AP2A2: variants seen among roughly 807,000 people sequenced by gnomAD.
AP2A2 encodes the protein adaptor related protein complex 2 subunit alpha 2.
AP2A2 carries 32 observed loss-of-function variants against 104.2 expected under a neutral mutation model. That is an observed-to-expected ratio of 0.31 (90% CI 0.23 to 0.41). AP2A2 has a LOEUF of 0.41. Ranked by LOEUF, AP2A2 falls within the 10% of genes least tolerant of loss-of-function variation. AP2A2 has a pLI of 1.00. For synonymous variants in AP2A2, 539 were observed against 533.3 expected, an observed-to-expected ratio of 1.01 and a Z score of -0.15; for missense variants, 912 against 1,261.0, an observed-to-expected ratio of 0.72 and a Z score of 4.19.
rs1211532821 is a variant in AP2A2, at chr11:939,835, C to T, written c.67+13747C>T. On this transcript the variant is annotated intron_variant, in intron 1 of 21. Coordinates refer to ENST00000448903, the MANE Select transcript of AP2A2 (RefSeq NM_012305.4). ...TACTTGTATATGTGTAATATTTTAC[C>T]TGATTAATGTCTATTTCATGTCTGA... Among the ~76,000 whole-genome samples, 4 of 151,876 alleles carry T rather than the reference C, an allele frequency of 2.6e-5. No individual in the cohort carries two copies. In the East Asian group the frequency reaches 7.7e-4, roughly 29 times the overall value.
chr11:977,521 G>A (rs558462864), intron 5 of AP2A2, among the ~76,000 whole-genome samples: 1 of 147,138 alleles, frequency 6.8e-6, no homozygotes, highest in South Asian at 2.3e-4. Flanking sequence ...CGGAGCTCCT[G>A]CCTGGTGTCC....
chr11:982,442 A>G (rs1236046359), intron 6 of AP2A2, among the ~76,000 whole-genome samples: 5 of 152,136 alleles, frequency 3.3e-5, no homozygotes, highest in Admixed American at 6.6e-5. Flanking sequence ...TGTTTTGTGA[A>G]GTGCCTGAGT....
At chr11:934,758 G>A (rs2134460057) in intron 1 of AP2A2, among the ~76,000 whole-genome samples, 1 of 152,282 alleles carries the variant, frequency 6.6e-6, no homozygotes, top group South Asian at 2.1e-4. Context: ...GAGCTCCTTA[G>A]GGCAGGCGGC....
At chr11:985,850 C>A (rs1325086462) in intron 8 of AP2A2, among the ~76,000 whole-genome samples, 1 of 152,258 alleles carries the variant, frequency 6.6e-6, no homozygotes, top group African/African-American at 2.4e-5. Context: ...CCACTCCTGA[C>A]TGGCTTCTCA....
chr11:975,552 C>T (rs12791164), intron 4 of AP2A2, among the ~76,000 whole-genome samples: 2 of 150,390 alleles, frequency 1.3e-5, no homozygotes, highest in South Asian at 2.1e-4. Flanking sequence ...GTGGGGTCCT[C>T]GGTCTCCCTC....
At position 975,713 on chromosome 11, in the gene AP2A2, G is replaced by T. The variant is rs142756991; in HGVS notation, c.474-1382G>T. On this transcript the variant is annotated intron_variant, in intron 4 of 21. Coordinates refer to ENST00000448903, the MANE Select transcript of AP2A2 (RefSeq NM_012305.4). ...GTCCTCGGTCTCCCTCGTGTGAGCC[G>T]ACGTCGGCGAGTAGCTGTGGGATCC... Among the ~76,000 whole-genome samples the T allele has an allele frequency of 7.0e-3, 1,040 of 149,474 alleles. 37 individuals are homozygous for T. The highest frequency in any genetic ancestry group is 0.026 in the African/African-American group (1,009 of 39,382).
chr11:993,234 T>C lies in AP2A2; in HGVS notation c.1453-50T>C. The C allele has an allele frequency of 6.6e-7, 1 of 1,511,468 alleles. No individual in the cohort carries two copies. Among genetic ancestry groups the C allele is most frequent in the Non-Finnish European group, 9.0e-7 (1 of 1,116,284 alleles). 93.6% of individuals were successfully genotyped at this position (1,511,468 alleles called of 1,614,324 possible). A position where few individuals can be genotyped will look rare whatever the true frequency, so the allele number is the denominator to read the frequency against. ...CGCGCCAGGACGTGCCCGCCTCGCC[T>C]TAACTCTGGCACCTGGCTGCCACCC... On this transcript the variant is annotated intron_variant, in intron 11 of 21. Coordinates refer to ENST00000448903, the MANE Select transcript of AP2A2 (RefSeq NM_012305.4). The surrounding 1 kb of genome is among the most constrained non-coding windows in gnomAD (Gnocchi z 8.2).
intron 1 of AP2A2, among the ~76,000 whole-genome samples, chr11:951,494 T>C (rs1162507793): frequency 1.3e-5 from 2 of 151,314 alleles, no homozygotes; most frequent in Non-Finnish European, 2.9e-5. Flanking sequence ...GCCACCACAC[T>C]CCAGCCTGGG....
chr11:970,321 G>A lies in AP2A2; in HGVS notation c.279+10G>A, dbSNP rs560851962. 39 of 1,612,642 alleles carry A rather than the reference G, an allele frequency of 2.4e-5. No homozygotes were observed. In the South Asian group the frequency reaches 3.2e-4, roughly 13 times the overall value. Reference sequence around the variant, plus strand: ...CACGGAAAAGCAGATCGTGAGTATCGCTGCAGGTGGAGACGGCAGAGGATG... The same window carrying A: ...CACGGAAAAGCAGATCGTGAGTATCACTGCAGGTGGAGACGGCAGAGGATG... On this transcript the variant is annotated intron_variant, in intron 3 of 21. Coordinates refer to ENST00000448903, the MANE Select transcript of AP2A2 (RefSeq NM_012305.4).
chr11:1,009,936 AC>A, intron 21 of AP2A2, 119 bp downstream of exon 21: 2 of 1,293,792 alleles, frequency 1.5e-6, no homozygotes, highest in Non-Finnish European at 2.1e-6. Flanking sequence ...ATGTTGTTTA[AC>A]CACCACCCTG....
rs1417601378 is a variant in AP2A2 at position 994,579 on chromosome 11, G to A, written c.1956+334G>A. 1.1e-4 allele frequency among the ~76,000 whole-genome samples: 13 copies of A among 121,596 alleles called. No homozygotes were observed. In the East Asian group the frequency reaches 1.3e-3, roughly 12 times the overall value. 79.8% of individuals were successfully genotyped at this position (121,596 alleles called of 152,430 possible). A position where few individuals can be genotyped will look rare whatever the true frequency, so the allele number is the denominator to read the frequency against. On this transcript the variant is annotated intron_variant, in intron 14 of 21. Transcript: ENST00000448903. ...CCGGGGGCCACTGTCCCTGCTGGAC[G>A]CCCCGTTGTCCTGTCCCGGGGGCCA...
chr11:954,476 T>A (rs942497914), intron 1 of AP2A2, among the ~76,000 whole-genome samples: 5 of 152,190 alleles, frequency 3.3e-5, no homozygotes, highest in African/African-American at 1.2e-4. Context: ...TATTTGTGTT[T>A]ATATTTGTGT....
rs560939801 is a variant in AP2A2 at position 983,644 on chromosome 11, A to T, written c.706-1001A>T. ...GTGATCCGCCCGCCTTGGCCTCTCAAAGTGCTGGGATTACAGGCGGGAGCC... is the reference window on the plus strand; with the variant it reads ...GTGATCCGCCCGCCTTGGCCTCTCATAGTGCTGGGATTACAGGCGGGAGCC... On this transcript the variant is annotated intron_variant, in intron 6 of 21. Coordinates refer to ENST00000448903, the MANE Select transcript of AP2A2 (RefSeq NM_012305.4). Among the ~76,000 whole-genome samples, 3 of 151,888 alleles carry T rather than the reference A, an allele frequency of 2.0e-5. No individual in the cohort carries two copies. The East Asian group carries it at 5.8e-4, about 29-fold the overall frequency.
chr11:935,603 G>GTTCTTTTTTTTTTTTTTTTTTT (rs1853428531), intron 1 of AP2A2, among the ~76,000 whole-genome samples: 1 of 77,960 alleles, frequency 1.3e-5, no homozygotes, highest in Admixed American at 1.5e-4. Context: ...TGCCCGGCCA[G>GTTCTTTTTTTTTTTTTTTTTTT]TTTTTTTTTT....
chr11:945,197 C>A (rs543987227), intron 1 of AP2A2, among the ~76,000 whole-genome samples: 1 of 152,016 alleles, frequency 6.6e-6, no homozygotes, highest in Non-Finnish European at 1.5e-5. Flanking sequence ...GAGGGTGACT[C>A]CTAGCGTGGG....
intron 14 of AP2A2, chr11:995,441 TTC>T (rs1359458486): frequency 2.2e-6 from 1 of 455,560 alleles, no homozygotes; most frequent in Non-Finnish European, 4.4e-6. Context: ...CAGGCGGGCT[TTC>T]TGTTTGTCCA....
At chr11:1,003,617 G>A (rs1856100013) in intron 15 of AP2A2, 105 bp from the exon 16 acceptor site, 8 of 632,928 alleles carry the variant, frequency 1.3e-5, no homozygotes, top group Non-Finnish European at 2.1e-5. Context: ...GTGTGCCATA[G>A]AGGTTTTTCT....
intron 9 of AP2A2, among the ~76,000 whole-genome samples, 172 bp from the exon 10 acceptor site, chr11:988,380 C>T (rs755436493): frequency 7.9e-5 from 12 of 152,234 alleles, no homozygotes; most frequent in Non-Finnish European, 1.5e-4. Context: ...AACTCTATTC[C>T]GGGCTGTCCA....
In AP2A2 at chr11:992,703, G is replaced by T; in HGVS notation, c.1452+18G>T. The stretch of plus-strand genomic sequence containing the variant: ...TGTTCGAGGTATGGCCCGCAGGATG[G>T]CAGGAAGGATGGGGTGGAGGGCAGT... On this transcript the variant is annotated intron_variant, in intron 11 of 21. Coordinates refer to ENST00000448903, the MANE Select transcript of AP2A2 (RefSeq NM_012305.4). The surrounding 1 kb of genome is among the most constrained non-coding windows in gnomAD (Gnocchi z 6.4). 2 of 1,613,518 alleles carry T rather than the reference G, an allele frequency of 1.2e-6. No homozygotes were observed. Among genetic ancestry groups the T allele is most frequent in the Non-Finnish European group, 8.5e-7 (1 of 1,179,720 alleles).
Sources: gnomAD v4.1 joint callset for allele counts (sites outside exome capture counted in the v4.1 genomes callset) on GRCh38, gnomAD v4.1.1 for gene constraint, Gnocchi (gnomAD v3.1) non-coding constraint, MANE v1.5 for transcripts, NCBI Gene and HGNC (gene_info 2026-07-23, HGNC 2026-07-21) for gene names.